The following GRIN2D variants were observed in gnomAD, a reference collection of about 807,000 sequenced individuals.
The protein encoded by GRIN2D is glutamate receptor ionotropic, NMDA 2D.
Under a neutral mutation model 103.2 loss-of-function variants are expected in GRIN2D, and 37 were observed. The ratio of observed to expected loss-of-function variants is 0.36; its 90% CI spans 0.28 to 0.47. GRIN2D has a LOEUF of 0.47. Ranked by LOEUF, GRIN2D falls within the 20% of genes least tolerant of loss-of-function variation. The pLI, the probability that GRIN2D is intolerant of heterozygous loss-of-function variation, is 1.00. For missense variants in GRIN2D, 1,557 were observed against 1,910.6 expected (o/e 0.81, Z 3.45); for synonymous variants, 845 against 885.6 (o/e 0.95, Z 0.81).
chr19:48,393,672 C>T lies in GRIN2D; in HGVS notation c.-502C>T, dbSNP rs1440221271. 6.6e-6 allele frequency among the ~76,000 whole-genome samples: 1 copy of T among 152,012 alleles called. No homozygotes were observed. On this transcript the variant is annotated 5_prime_UTR_variant, in exon 1 of 14. Transcript: ENST00000263269. This position sits in a 1 kb window ranked among gnomAD's most constrained non-coding sequence, Gnocchi z 5.6. ...CGGGGACTGAATGTTAATCGCATCC[C>T]GAGTGAGTGTGTGTGTGCGAGAACA... is the stretch of plus-strand genomic sequence containing the variant.
chr19:48,409,126 G>A (rs10422894), intron 4 of GRIN2D, among the ~76,000 whole-genome samples: 2,384 of 152,092 alleles, frequency 0.016, 64 homozygotes, highest in African/African-American at 0.054. Context: ...GGCAAAGAGA[G>A]GAGTGAGGGA....
chr19:48,421,266 T>TAA lies in GRIN2D; in HGVS notation c.2092-515_2092-514dup, dbSNP rs1440925328. Among the ~76,000 whole-genome samples, 1 of 151,800 alleles carries TAA rather than the reference T, an allele frequency of 6.6e-6. No individual in the cohort carries two copies. Among genetic ancestry groups the TAA allele is most frequent in the African/African-American group, 2.4e-5 (1 of 41,292 alleles). On this transcript the variant is annotated intron_variant, in intron 10 of 13. Transcript: ENST00000263269. This position sits in a 1 kb window ranked among gnomAD's most constrained non-coding sequence, Gnocchi z 4.8. ...CAACATGGAGAAACCCCATCTCTAC[T>TAA]AAAAATACAAAACTGGCTGGGCATG...
At chr19:48,436,828 T>A (rs1281728002) in intron 11 of GRIN2D, among the ~76,000 whole-genome samples, 1 of 152,020 alleles carries the variant, frequency 6.6e-6, no homozygotes, top group Non-Finnish European at 1.5e-5. Flanking sequence ...CAGGTGCATC[T>A]CCCAGGCCAG....
Position 48,414,013 on chromosome 19 carries a change from G to A in GRIN2D, c.1108G>A (p.Asp370Asn). ...CAGGTACTTCATGAACATCACGTGG[G>A]ATAACCGGGATTACTCCTTCAATGA... Reference protein sequence around the residue: ...LHRYFMNITWDNRDYSFNEDG... With the variant: ...LHRYFMNITWNNRDYSFNEDG... The change falls in exon 5 of 14, where the codon GAT becomes AAT. Residue 370 changes from aspartate (D) to asparagine (N), a missense_variant. Coordinates refer to ENST00000263269, the MANE Select transcript of GRIN2D (RefSeq NM_000836.4). The surrounding 1 kb of genome is among the most constrained non-coding windows in gnomAD (Gnocchi z 4.6). 3.1e-6 allele frequency: 5 copies of A among 1,609,760 alleles called. No homozygotes were observed. Among genetic ancestry groups the A allele is most frequent in the Non-Finnish European group, 3.4e-6 (4 of 1,176,074 alleles).
chr19:48,419,560 A>G, intron 9 of GRIN2D, 25 bp from the exon 10 acceptor site: 1 of 1,547,410 alleles, frequency 6.5e-7, no homozygotes, highest in Non-Finnish European at 8.9e-7. Context: ...TTTGGGGTCC[A>G]TGTCCACGTC....
intron 4 of GRIN2D, among the ~76,000 whole-genome samples, chr19:48,408,212 T>A (rs1280512878): frequency 6.6e-6 from 1 of 151,588 alleles, no homozygotes; most frequent in East Asian, 1.9e-4. Context: ...CGGGCGCCTG[T>A]AGTCCCAGCT....
chr19:48,422,382 G>A (rs565075925), intron 11 of GRIN2D, among the ~76,000 whole-genome samples: 1 of 152,196 alleles, frequency 6.6e-6, no homozygotes, highest in Non-Finnish European at 1.5e-5. Flanking sequence ...AGAGGCCAAG[G>A]CAGGCGGATC....
chr19:48,403,297 C>T (rs567289363), intron 3 of GRIN2D, among the ~76,000 whole-genome samples: 12 of 151,804 alleles, frequency 7.9e-5, no homozygotes, highest in Non-Finnish European at 1.0e-4. Context: ...ACATATCCAG[C>T]ACTGTTCAAT....
Position 48,443,058 on chromosome 19 carries a change from A to C in GRIN2D, c.3132A>C (p.Pro1044=), listed in dbSNP as rs1167367329. 23 of 1,037,708 alleles carry C rather than the reference A, an allele frequency of 2.2e-5. No homozygotes were observed. Among genetic ancestry groups the C allele is most frequent in the African/African-American group, 3.6e-5 (2 of 56,030 alleles). 64.3% of individuals were successfully genotyped at this position (1,037,708 alleles called of 1,614,324 possible). ...CCGCGGCCACCGCCGTCGGGCCGCC[A>C]CTCTGCCGCTTGGCCTTCGAGGACG... ...PAAAATAVGP[P]LCRLAFEDES... Residue 1044 remains proline (P), a synonymous_variant, in exon 14 of 14, where the codon CCA becomes CCC. Coordinates refer to ENST00000263269, the MANE Select transcript of GRIN2D (RefSeq NM_000836.4). This position sits in a 1 kb window ranked among gnomAD's most constrained non-coding sequence, Gnocchi z 8.9.
At chr19:48,433,956 T>A (rs946125543) in intron 11 of GRIN2D, among the ~76,000 whole-genome samples, 1 of 151,580 alleles carries the variant, frequency 6.6e-6, no homozygotes, top group Non-Finnish European at 1.5e-5. Flanking sequence ...CTTTTCTTTT[T>A]TTTTTTTTTT....
Position 48,416,060 on chromosome 19 carries a change from C to T in GRIN2D, c.1640C>T (p.Ser547Phe). 6.2e-7 allele frequency: 1 copy of T among 1,614,038 alleles called. No individual in the cohort carries two copies. The highest frequency in any genetic ancestry group is 1.1e-5 in the South Asian group (1 of 91,076). ...IGSLTINEER[S>F]EIVDFSVPFV... ...TCCCTCACCATCAACGAGGAGCGCT[C>T]CGAGATCGTGGACTTCTCCGTCCCC... Residue 547 changes from serine (S) to phenylalanine (F), a missense_variant, in exon 8 of 14, where the codon TCC (serine) becomes TTC (phenylalanine). This residue lies in a region of GRIN2D where 197 missense variants were observed against 334.1 expected (regional missense o/e 0.59). Transcript: ENST00000263269.
intron 11 of GRIN2D, among the ~76,000 whole-genome samples, chr19:48,425,709 G>A (rs376770283): frequency 2.0e-5 from 3 of 152,200 alleles, no homozygotes; most frequent in East Asian, 3.9e-4. Flanking sequence ...ACAAATGTCA[G>A]CCACATCACC....
Position 48,414,561 on chromosome 19 carries a change from G to A in GRIN2D, c.1389G>A (p.Arg463=), listed in dbSNP as rs201643479. 5.9e-5 allele frequency: 92 copies of A among 1,552,444 alleles called. No homozygotes were observed. In the East Asian group the frequency reaches 1.6e-3, roughly 27 times the overall value. ...GTCIRDSVPC[R]SQLNRTHSPP... ...GCATCCGAGACTCCGTCCCCTGCCG[G>A]AGCCAGCTCAACCGAACCCACAGGT... is the stretch of plus-strand genomic sequence containing the variant. The change falls in exon 6 of 14, where the codon CGG becomes CGA. Residue 463 remains arginine (R), a synonymous_variant. Transcript: ENST00000263269. The surrounding 1 kb of genome is among the most constrained non-coding windows in gnomAD (Gnocchi z 4.6).
At chr19:48,424,492 G>A (rs986391427) in intron 11 of GRIN2D, among the ~76,000 whole-genome samples, 2 of 149,522 alleles carry the variant, frequency 1.3e-5, no homozygotes, top group African/African-American at 2.5e-5. Context: ...GGATGGTCTC[G>A]ATCTCCTGAC....
intron 4 of GRIN2D, among the ~76,000 whole-genome samples, chr19:48,410,375 C>A (rs1419932517): frequency 6.6e-6 from 1 of 151,054 alleles, no homozygotes; most frequent in East Asian, 2.0e-4. Flanking sequence ...TAAAAATACA[C>A]AAATTAGCTG....
intron 4 of GRIN2D, among the ~76,000 whole-genome samples, chr19:48,412,419 A>AG (rs1970875483): frequency 7.4e-6 from 1 of 135,032 alleles, no homozygotes; most frequent in Admixed American, 8.0e-5. Context: ...AGAAAGAGAA[A>AG]GAAAAGAAAG....
At chr19:48,395,588 G>C (rs1034651226) in intron 2 of GRIN2D, among the ~76,000 whole-genome samples, 2 of 151,988 alleles carry the variant, frequency 1.3e-5, no homozygotes, top group Non-Finnish European at 2.9e-5. Context: ...CGAAGTGGCC[G>C]CTCCTCTCTT....
rs370004307 is a variant in GRIN2D, at chr19:48,442,111, G to A, written c.2441-39G>A. 1.4e-5 allele frequency: 22 copies of A among 1,581,362 alleles called. No homozygotes were observed. Among genetic ancestry groups the A allele is most frequent in the Non-Finnish European group, 1.8e-5 (21 of 1,151,634 alleles). ...ACATCACAGACAAGGGTCCTCAGAG[G>A]GTACTCATAGCAGGTGACTTTTGAC... On this transcript the variant is annotated intron_variant, in intron 12 of 13. Transcript: ENST00000263269. This position sits in a 1 kb window ranked among gnomAD's most constrained non-coding sequence, Gnocchi z 7.2.
At chr19:48,425,809 ATACAGTGAGG>A (rs949759009) in intron 11 of GRIN2D, among the ~76,000 whole-genome samples, 1 of 152,074 alleles carries the variant, frequency 6.6e-6, no homozygotes, top group Admixed American at 6.6e-5. Context: ...ATATACATAG[ATACAGTGAGG>A]TACAGTGAGG....
Sources: gnomAD v4.1 joint callset for allele counts (sites outside exome capture counted in the v4.1 genomes callset) on GRCh38, gnomAD v4.1.1 for gene constraint, gnomAD v4.1.1 regional missense constraint, Gnocchi (gnomAD v3.1) non-coding constraint, MANE v1.5 for transcripts, NCBI Gene and HGNC (gene_info 2026-07-23, HGNC 2026-07-21) for gene names.